The following C2CD2 variants were observed in gnomAD, a reference collection of about 807,000 sequenced individuals.
C2CD2 encodes C2 domain-containing protein 2.
In C2CD2, 43 loss-of-function variants were observed where a neutral mutation model predicts 74.3. That is an observed-to-expected ratio of 0.58 (90% CI 0.45 to 0.75). C2CD2 has a LOEUF of 0.75. Among genes scored for constraint, C2CD2 ranks in the 30% least tolerant of loss-of-function variants. The probability of loss-of-function intolerance (pLI) is 0.00; values close to 1 mark genes in which losing one functional copy is unlikely to be tolerated. For missense variants in C2CD2, 801 were observed against 916.3 expected (o/e 0.87, Z 1.63); for synonymous variants, 422 against 390.7 (o/e 1.08, Z -0.94).
chr21:41,907,836 C>T (rs538283166), intron 8 of C2CD2, 52 bp from the exon 9 acceptor site: 30 of 1,610,974 alleles, frequency 1.9e-5, no homozygotes, highest in South Asian at 4.4e-5. Context: ...CCCGGGCTTC[C>T]GTGAGGACGG....
rs1400088548 is a variant in C2CD2 at position 41,907,789 on chromosome 21, A to G, written c.1019-5T>C. On this transcript the variant is annotated splice_region_variant and splice_polypyrimidine_tract_variant and intron_variant, in intron 8 of 13. Transcript: ENST00000380486. ...CTGTCGCCGTCGCCAGCAGACCTGA[A>G]AAGATAGGAGACAGGCAAGGGGTGC... is the stretch of plus-strand genomic sequence containing the variant. 1 of 1,613,890 alleles carries G rather than the reference A, an allele frequency of 6.2e-7. No individual in the cohort carries two copies.
chr21:41,899,873 C>T lies in C2CD2; in HGVS notation c.1561-511G>A, dbSNP rs866808600. ...AATGAACCTCTGAGAGTCGGGATAGCGCTTCCTTGGAGGGGGGAAAGTTTG... is the reference window on the plus strand; with the variant it reads ...AATGAACCTCTGAGAGTCGGGATAGTGCTTCCTTGGAGGGGGGAAAGTTTG... On this transcript the variant is annotated intron_variant, in intron 12 of 13. Coordinates refer to ENST00000380486, the MANE Select transcript of C2CD2 (RefSeq NM_015500.2). This position sits in a 1 kb window ranked among gnomAD's most constrained non-coding sequence, Gnocchi z 4.4. Among the ~76,000 whole-genome samples the T allele has an allele frequency of 1.0e-4, 15 of 149,416 alleles. 3 individuals carry two copies. Among genetic ancestry groups the T allele is most frequent in the South Asian group, 4.2e-4 (2 of 4,738 alleles).
chr21:41,914,592 A>G lies in C2CD2; in HGVS notation c.844+6T>C, dbSNP rs758354828. 1 of 1,612,562 alleles carries G rather than the reference A, an allele frequency of 6.2e-7. No homozygotes were observed. Among genetic ancestry groups the G allele is most frequent in the African/African-American group, 1.3e-5 (1 of 74,944 alleles). ...TCCAGGCAGGCAGGCTCCCATCGTC[A>G]CCCACCTGAGGCACCGGGCTCGCTG... On this transcript the variant is annotated splice_donor_region_variant and intron_variant, in intron 6 of 13. Coordinates refer to ENST00000380486, the MANE Select transcript of C2CD2 (RefSeq NM_015500.2).
At chr21:41,932,888 GA>G (rs2065274965) in intron 2 of C2CD2, among the ~76,000 whole-genome samples, 1 of 150,322 alleles carries the variant, frequency 6.7e-6, no homozygotes, top group Non-Finnish European at 1.5e-5. Context: ...GAAAGTCCAA[GA>G]AAAAGGCATC....
At chr21:41,944,538 A>AAG (rs1555906448) in intron 1 of C2CD2, among the ~76,000 whole-genome samples, 16 of 130,754 alleles carry the variant, frequency 1.2e-4, no homozygotes, top group African/African-American at 4.3e-4. Flanking sequence ...AAAAAAAAAA[A>AAG]AAAAGAAAAG....
Position 41,889,046 on chromosome 21 carries a change from G to A in C2CD2, c.*78C>T, listed in dbSNP as rs889042686. ...CAAGCGGGGCATCTGGACATCCGGC[G>A]GACACACTGGCTGCGTCCTGGTGAG... On this transcript the variant is annotated 3_prime_UTR_variant, in exon 14 of 14. Coordinates refer to ENST00000380486, the MANE Select transcript of C2CD2 (RefSeq NM_015500.2). The A allele has an allele frequency of 5.8e-5, 61 of 1,051,072 alleles. No individual in the cohort carries two copies. In the African/African-American group the frequency reaches 7.2e-4, roughly 12 times the overall value. The allele number at this position is 1,051,072 out of a possible 1,614,324, so 65.1% of individuals were successfully genotyped here.
chr21:41,951,293 C>T (rs113813801), intron 1 of C2CD2, among the ~76,000 whole-genome samples: 14 of 152,316 alleles, frequency 9.2e-5, no homozygotes, highest in African/African-American at 2.9e-4. Context: ...ATCCTATCTG[C>T]CTGCAAAACC....
chr21:41,942,149 T>A lies in C2CD2; in HGVS notation c.376A>T (p.Lys126Ter), dbSNP rs889863757. Residue 126 changes from lysine (K) to a stop codon, truncating the protein, a stop_gained and splice_region_variant, in exon 2 of 14, where the codon AAG becomes TAG. Coordinates refer to ENST00000380486, the MANE Select transcript of C2CD2 (RefSeq NM_015500.2). LOFTEE classifies it high-confidence loss of function. Reference protein sequence around the residue: ...VSSVLRSAEEKVVVCHVVGQA... With the variant: ...VSSVLRSAEE ...AGGGAATGGGCTCCTGGGCTCACCTTCTCCTCCGCCGACCTGAGCACGCTG... is the reference window on the plus strand; with the variant it reads ...AGGGAATGGGCTCCTGGGCTCACCTACTCCTCCGCCGACCTGAGCACGCTG... The A allele has an allele frequency of 4.5e-6, 7 of 1,549,298 alleles. No individual in the cohort carries two copies. Among genetic ancestry groups the A allele is most frequent in the Non-Finnish European group, 6.1e-6 (7 of 1,146,770 alleles).
intron 10 of C2CD2, 43 bp from the exon 11 acceptor site, chr21:41,905,880 G>T: frequency 1.9e-6 from 2 of 1,067,678 alleles, no homozygotes; most frequent in Non-Finnish European, 2.9e-6. Flanking sequence ...CCCCGTGGCT[G>T]ACTGGATCAA....
At chr21:41,921,513 T>G (rs532200681) in intron 3 of C2CD2, among the ~76,000 whole-genome samples, 4 of 152,232 alleles carry the variant, frequency 2.6e-5, no homozygotes, top group Non-Finnish European at 1.5e-5. Flanking sequence ...ATGGTAATAC[T>G]AATTTTTTAA....
chr21:41,922,499 G>T (rs1488586572), intron 2 of C2CD2, among the ~76,000 whole-genome samples: 1 of 133,214 alleles, frequency 7.5e-6, no homozygotes, highest in Non-Finnish European at 1.6e-5. Context: ...TTTTGAGACG[G>T]AGTCTCACTC....
At position 41,899,371 on chromosome 21, in the gene C2CD2, G is replaced by T; in HGVS notation, c.1561-9C>A. ...TCCTGAGATAGTGAGGTCTGTCAGG[G>T]GCAGTGGGGAAGATGACAAGGGATA... On this transcript the variant is annotated splice_polypyrimidine_tract_variant and intron_variant, in intron 12 of 13. Transcript: ENST00000380486. The surrounding 1 kb of genome is among the most constrained non-coding windows in gnomAD (Gnocchi z 4.4). 1 of 1,601,826 alleles carries T rather than the reference G, an allele frequency of 6.2e-7. No homozygotes were observed. The highest frequency in any genetic ancestry group is 8.5e-7 in the Non-Finnish European group (1 of 1,179,430).
At chr21:41,934,003 C>G (rs896760001) in intron 2 of C2CD2, among the ~76,000 whole-genome samples, 6 of 152,040 alleles carry the variant, frequency 3.9e-5, no homozygotes, top group Non-Finnish European at 8.8e-5. Flanking sequence ...ACACTGTTAA[C>G]AGCAGCCTCA....
Position 41,913,519 on chromosome 21 carries a change from C to T in C2CD2, c.844+1079G>A, listed in dbSNP as rs12627728. Among the ~76,000 whole-genome samples the T allele has an allele frequency of 1.4e-4, 22 of 152,294 alleles. No individual in the cohort carries two copies. The East Asian group carries it at 2.7e-3, about 19-fold the overall frequency. On this transcript the variant is annotated intron_variant, in intron 6 of 13. Coordinates refer to ENST00000380486, the MANE Select transcript of C2CD2 (RefSeq NM_015500.2). ...ACATGTGAGAGCTGGGACCCCAACC[C>T]TGACCGACCGAGTCCAGGGAGCTCA...
chr21:41,918,043 G>T, intron 5 of C2CD2, 62 bp downstream of exon 5: 1 of 1,598,024 alleles, frequency 6.3e-7, no homozygotes, highest in East Asian at 2.2e-5. Flanking sequence ...GATTCTCCAA[G>T]AGAGGTGGGC....
rs1039016107 is a variant in C2CD2, at chr21:41,929,478, C to T, written c.379-7393G>A. On this transcript the variant is annotated intron_variant, in intron 2 of 13. Coordinates refer to ENST00000380486, the MANE Select transcript of C2CD2 (RefSeq NM_015500.2). The surrounding 1 kb of genome is among the most constrained non-coding windows in gnomAD (Gnocchi z 4.6). ...GGGCCCCTACACAACAGACACAGAC[C>T]CTGTGGCTCAGAGAAAGAAGGAAGT... 1.3e-5 allele frequency among the ~76,000 whole-genome samples: 2 copies of T among 152,130 alleles called. No individual in the cohort carries two copies. Among genetic ancestry groups the T allele is most frequent in the African/African-American group, 2.4e-5 (1 of 41,438 alleles).
chr21:41,912,767 G>A (rs1282249464), intron 6 of C2CD2, among the ~76,000 whole-genome samples: 1 of 152,178 alleles, frequency 6.6e-6, no homozygotes, highest in Non-Finnish European at 1.5e-5. Context: ...GGGATTACAG[G>A]CATGAGCTAC....
chr21:41,946,528 C>T (rs1258226898), intron 1 of C2CD2, among the ~76,000 whole-genome samples: 2 of 152,186 alleles, frequency 1.3e-5, no homozygotes, highest in East Asian at 1.9e-4. Flanking sequence ...CTTCACCTTC[C>T]ACCAGGATTG....
Position 41,888,168 on chromosome 21 carries a change from A to G in C2CD2, c.*956T>C, listed in dbSNP as rs2064705584. ...AAGACTGACACCTGAGACACAAAATAATTTCCTCTATTGCCCTAAAAAGAC... is the reference window on the plus strand; with the variant it reads ...AAGACTGACACCTGAGACACAAAATGATTTCCTCTATTGCCCTAAAAAGAC... On this transcript the variant is annotated 3_prime_UTR_variant, in exon 14 of 14. Coordinates refer to ENST00000380486, the MANE Select transcript of C2CD2 (RefSeq NM_015500.2). 1 of 152,614 alleles carries G rather than the reference A, an allele frequency of 6.6e-6. No individual in the cohort carries two copies. Among genetic ancestry groups the G allele is most frequent in the African/African-American group, 2.4e-5 (1 of 41,440 alleles). 9.5% of individuals were successfully genotyped at this position (152,614 alleles called of 1,614,324 possible).
Sources: allele counts gnomAD v4.1 joint callset (sites outside exome capture counted in the v4.1 genomes callset), GRCh38; gene constraint gnomAD v4.1.1; non-coding constraint Gnocchi (gnomAD v3.1); transcripts MANE v1.5; gene names NCBI Gene and HGNC (gene_info 2026-07-23, HGNC 2026-07-21).